GTF2E2: variants seen among roughly 807,000 people sequenced by gnomAD.
GTF2E2 encodes the protein general transcription factor IIE subunit 2.
GTF2E2 carries 21 observed loss-of-function variants against 40.5 expected under a neutral mutation model. That is an observed-to-expected ratio of 0.52 (90% confidence interval 0.37 to 0.75). The LOEUF (loss-of-function observed/expected upper bound fraction) is 0.75, where lower values mean the gene tolerates loss of function less well. Ranked by LOEUF, GTF2E2 falls within the 30% of genes least tolerant of loss-of-function variation. GTF2E2 has a pLI of 0.00. For synonymous variants in GTF2E2, 117 were observed against 121.6 expected (o/e 0.96, Z 0.25); for missense variants, 298 against 338.4 (o/e 0.88, Z 0.94).
intron 2 of GTF2E2, chr8:30,636,930 G>A (rs991878835): frequency 1.6e-5 from 7 of 440,090 alleles, no homozygotes; most frequent in African/African-American, 6.2e-5. Context: ...TATTACCTAC[G>A]TAGTTCATTC....
chr8:30,592,431 G>A (rs1828874472), intron 6 of GTF2E2, among the ~76,000 whole-genome samples: 1 of 152,090 alleles, frequency 6.6e-6, no homozygotes, highest in Non-Finnish European at 1.5e-5. Flanking sequence ...ATAGCTACTA[G>A]CTCTGTTATT....
At chr8:30,642,847 T>G (rs1801899906) in intron 2 of GTF2E2, among the ~76,000 whole-genome samples, 1 of 152,218 alleles carries the variant, frequency 6.6e-6, no homozygotes, top group Non-Finnish European at 1.5e-5. Context: ...CTGAATTTAG[T>G]TATGTATCTG....
At chr8:30,586,615 G>C (rs948450537) in intron 6 of GTF2E2, among the ~76,000 whole-genome samples, 3 of 152,046 alleles carry the variant, frequency 2.0e-5, no homozygotes, top group Non-Finnish European at 2.9e-5. Flanking sequence ...CAAAACTAGA[G>C]GTACCACACT....
chr8:30,595,041 T>A (rs1451564208), intron 6 of GTF2E2, among the ~76,000 whole-genome samples: 1 of 152,228 alleles, frequency 6.6e-6, no homozygotes. Context: ...CGTGTTCATT[T>A]AGATTAGCTG....
chr8:30,587,933 A>C (rs1183915034), intron 6 of GTF2E2, among the ~76,000 whole-genome samples: 1 of 151,778 alleles, frequency 6.6e-6, no homozygotes, highest in African/African-American at 2.4e-5. Context: ...CATCATTGCT[A>C]ATCATTAGGG....
chr8:30,641,970 A>AT (rs1801852293), intron 2 of GTF2E2, among the ~76,000 whole-genome samples: 1 of 152,216 alleles, frequency 6.6e-6, no homozygotes. Context: ...CCAGCCAAGC[A>AT]TAATTATTAA....
chr8:30,590,586 A>C (rs1374941054), intron 6 of GTF2E2, among the ~76,000 whole-genome samples: 1 of 152,202 alleles, frequency 6.6e-6, no homozygotes. Context: ...TAGAGGAAAA[A>C]ACAGAGGTAA....
chr8:30,623,451 G>C lies in GTF2E2; in HGVS notation c.259-8736C>G, dbSNP rs576816137. On this transcript the variant is annotated intron_variant, in intron 3 of 7. Transcript: ENST00000355904. ...TTCTTAATCCAGTCTATCATTGTTGGACATTTGAGTGCTGCAATAAACATA... is the reference window on the plus strand; with the variant it reads ...TTCTTAATCCAGTCTATCATTGTTGCACATTTGAGTGCTGCAATAAACATA... 3.3e-5 allele frequency among the ~76,000 whole-genome samples: 5 copies of C among 151,776 alleles called. 1 individual carries two copies. The highest frequency in any genetic ancestry group is 3.3e-4 in the Admixed American group (5 of 15,252).
chr8:30,632,921 T>C (rs1261545595), intron 3 of GTF2E2, among the ~76,000 whole-genome samples: 1 of 152,182 alleles, frequency 6.6e-6, no homozygotes, highest in Non-Finnish European at 1.5e-5. Context: ...AACATTTATG[T>C]CTAAGCACTT....
chr8:30,634,925 T>C, intron 3 of GTF2E2, 107 bp downstream of exon 3: 1 of 622,536 alleles, frequency 1.6e-6, no homozygotes, highest in Non-Finnish European at 2.8e-6. Context: ...AAATGCACAA[T>C]TTTGATAAAT....
At chr8:30,633,223 A>G (rs1801492618) in intron 3 of GTF2E2, among the ~76,000 whole-genome samples, 1 of 152,198 alleles carries the variant, frequency 6.6e-6, no homozygotes, top group Non-Finnish European at 1.5e-5. Context: ...AAAGTTTGAT[A>G]GATGATCAAT....
At chr8:30,608,759 GTTTGT>G (rs1423800696) in intron 5 of GTF2E2, among the ~76,000 whole-genome samples, 2 of 152,122 alleles carry the variant, frequency 1.3e-5, no homozygotes, top group African/African-American at 4.8e-5. Flanking sequence ...TCAGGAGTTT[GTTTGT>G]TTTGAGACGG....
chr8:30,583,621 C>T (rs1828577784), intron 6 of GTF2E2, among the ~76,000 whole-genome samples: 1 of 152,072 alleles, frequency 6.6e-6, no homozygotes. Context: ...CTCAAGCGAT[C>T]CACCTGCCTT....
rs1159439164 is a variant in GTF2E2, at chr8:30,634,927, T to C, written c.258+105A>G. The C allele has an allele frequency of 6.4e-6, 4 of 625,944 alleles. No individual in the cohort carries two copies. The African/African-American group carries it at 7.4e-5, about 12-fold the overall frequency. The allele number at this position is 625,944 out of a possible 1,614,324, so 38.8% of individuals were successfully genotyped here. A position where few individuals can be genotyped will look rare whatever the true frequency, so the allele number is the denominator to read the frequency against. Reference sequence around the variant, plus strand: ...CTGCACATACTGAAAATGCACAATTTTGATAAATTTTGATGTATACAGAAA... The same window carrying C: ...CTGCACATACTGAAAATGCACAATTCTGATAAATTTTGATGTATACAGAAA... On this transcript the variant is annotated intron_variant, in intron 3 of 7. Transcript: ENST00000355904.
chr8:30,587,387 T>A (rs1172854531), intron 6 of GTF2E2, among the ~76,000 whole-genome samples: 1 of 151,390 alleles, frequency 6.6e-6, no homozygotes, highest in East Asian at 1.9e-4. Context: ...CATTACAATC[T>A]GGGCAACAAA....
intron 2 of GTF2E2, among the ~76,000 whole-genome samples, chr8:30,645,030 G>A (rs890898164): frequency 1.3e-5 from 2 of 151,896 alleles, no homozygotes; most frequent in East Asian, 1.9e-4. Context: ...GATTACAGGC[G>A]TGAGCCACCA....
chr8:30,627,448 CAAAAAAA>C (rs71539905), intron 3 of GTF2E2, among the ~76,000 whole-genome samples: 106 of 64,770 alleles, frequency 1.6e-3, no homozygotes, highest in African/African-American at 6.4e-3. Flanking sequence ...ACCTCTCTTG[CAAAAAAA>C]AAAAAAAAAA....
At chr8:30,620,381 C>T (rs1003013141) in intron 3 of GTF2E2, among the ~76,000 whole-genome samples, 1 of 151,924 alleles carries the variant, frequency 6.6e-6, no homozygotes, top group African/African-American at 2.4e-5. Flanking sequence ...AAACCTAAAA[C>T]GAGACCTTCA....
chr8:30,591,190 G>A (rs1406461353), intron 6 of GTF2E2, among the ~76,000 whole-genome samples: 1 of 152,150 alleles, frequency 6.6e-6, no homozygotes, highest in African/African-American at 2.4e-5. Flanking sequence ...TTTGCCAAAT[G>A]AAATATACAG....
Sources: allele counts gnomAD v4.1 joint callset (sites outside exome capture counted in the v4.1 genomes callset), GRCh38; gene constraint gnomAD v4.1.1; transcripts MANE v1.5; gene names NCBI Gene and HGNC (gene_info 2026-07-23, HGNC 2026-07-21).